CREB5: variants seen among roughly 807,000 people sequenced by gnomAD.
CREB5 encodes the protein cAMP responsive element binding protein 5.
In CREB5, 19 loss-of-function variants were observed where a neutral mutation model predicts 57.1. The ratio of observed to expected loss-of-function variants is 0.33; its 90% CI spans 0.23 to 0.49. The LOEUF (loss-of-function observed/expected upper bound fraction) is 0.49. Among genes scored for constraint, CREB5 ranks in the 20% least tolerant of loss-of-function variants. CREB5 has a pLI of 0.99. For synonymous variants in CREB5, 238 were observed against 238.3 expected, an observed-to-expected ratio of 1.00 and a Z score of 0.01; for missense variants, 579 against 671.6, an observed-to-expected ratio of 0.86 and a Z score of 1.52.
Position 28,806,737 on chromosome 7 carries a change from C to T in CREB5, c.1026+2215C>T, listed in dbSNP as rs913022577. ...CTGAACCTAATTACACCTGAAACCA[C>T]GTCACTTATGCCTTTGGGTGAAGGC... is the stretch of plus-strand genomic sequence containing the variant. On this transcript the variant is annotated intron_variant, in intron 8 of 10. Transcript: ENST00000357727. Among the ~76,000 whole-genome samples the T allele has an allele frequency of 3.3e-5, 5 of 152,140 alleles. No individual in the cohort carries two copies. The East Asian group carries it at 5.8e-4, about 18-fold the overall frequency.
chr7:28,442,073 C>G (rs1789211548), intron 1 of CREB5, among the ~76,000 whole-genome samples: 1 of 152,146 alleles, frequency 6.6e-6, no homozygotes, highest in East Asian at 1.9e-4. Context: ...ACCCACCTCT[C>G]CCACTGTCCT....
Position 28,575,762 on chromosome 7 carries a change from G to A in CREB5, c.464+5225G>A, listed in dbSNP as rs530488955. Among the ~76,000 whole-genome samples the A allele has an allele frequency of 7.2e-5, 11 of 152,230 alleles. No individual in the cohort carries two copies. In the South Asian group the frequency reaches 2.1e-3, roughly 29 times the overall value. ...AAGTTGCTGTATCTTTCACAGCCCC[G>A]AGAACATTTACGAGGGCCCTTCTGG... is the stretch of plus-strand genomic sequence containing the variant. On this transcript the variant is annotated intron_variant, in intron 5 of 10. Coordinates refer to ENST00000357727, the MANE Select transcript of CREB5 (RefSeq NM_182898.4).
intron 4 of CREB5, among the ~76,000 whole-genome samples, chr7:28,517,713 T>C (rs1325529314): frequency 6.6e-6 from 1 of 152,172 alleles, no homozygotes; most frequent in African/African-American, 2.4e-5. Context: ...CAGTGGAATA[T>C]CTGTCGCAGG....
intron 7 of CREB5, among the ~76,000 whole-genome samples, chr7:28,731,655 T>C (rs1803641898): frequency 6.6e-6 from 1 of 152,204 alleles, no homozygotes; most frequent in South Asian, 2.1e-4. Context: ...GTATATACTA[T>C]CAAGTTTGAT....
intron 1 of CREB5, among the ~76,000 whole-genome samples, chr7:28,323,499 C>T (rs1253381843): frequency 6.6e-6 from 1 of 152,110 alleles, no homozygotes; most frequent in Non-Finnish European, 1.5e-5. Context: ...TCCTTTCCTT[C>T]TTGTGTCATA....
intron 1 of CREB5, among the ~76,000 whole-genome samples, chr7:28,370,134 G>A (rs530028013): frequency 1.9e-4 from 29 of 152,270 alleles, no homozygotes; most frequent in African/African-American, 6.5e-4. Context: ...AGAAAGAATG[G>A]GAAGGGTAAG....
At chr7:28,748,596 A>G (rs993669681) in intron 7 of CREB5, among the ~76,000 whole-genome samples, 2 of 152,212 alleles carry the variant, frequency 1.3e-5, no homozygotes, top group Non-Finnish European at 2.9e-5. Context: ...TTGTGGAGGT[A>G]CCTTCATCCT....
intron 5 of CREB5, among the ~76,000 whole-genome samples, chr7:28,624,788 G>C (rs1016340127): frequency 5.3e-5 from 8 of 151,996 alleles, no homozygotes; most frequent in Non-Finnish European, 1.2e-4. Flanking sequence ...AAAAGGAAAG[G>C]CTGGCCCAGA....
intron 1 of CREB5, among the ~76,000 whole-genome samples, chr7:28,326,600 C>T (rs927296977): frequency 2.0e-5 from 3 of 152,218 alleles, no homozygotes; most frequent in Non-Finnish European, 4.4e-5. Flanking sequence ...ATGCTGAATG[C>T]TGCATAGACA....
chr7:28,517,111 C>T lies in CREB5; in HGVS notation c.291+9374C>T, dbSNP rs535459315. On this transcript the variant is annotated intron_variant, in intron 4 of 10. Coordinates refer to ENST00000357727, the MANE Select transcript of CREB5 (RefSeq NM_182898.4). Reference sequence around the variant, plus strand: ...CGTTCTAGGCAGAAAACAGCATTCACATTTGGAAAACTGGACCAAATGATA... The same window carrying T: ...CGTTCTAGGCAGAAAACAGCATTCATATTTGGAAAACTGGACCAAATGATA... 7.7e-4 allele frequency among the ~76,000 whole-genome samples: 117 copies of T among 152,308 alleles called. 1 individual carries two copies. The highest frequency in any genetic ancestry group is 1.3e-3 in the Non-Finnish European group (87 of 68,020).
At chr7:28,635,147 A>G (rs1186582201) in intron 5 of CREB5, among the ~76,000 whole-genome samples, 1 of 152,160 alleles carries the variant, frequency 6.6e-6, no homozygotes, top group Non-Finnish European at 1.5e-5. Context: ...CAAAGGCTTC[A>G]CCTTTCAGCT....
At chr7:28,679,989 C>T (rs144520261) in intron 5 of CREB5, among the ~76,000 whole-genome samples, 1 of 151,998 alleles carries the variant, frequency 6.6e-6, no homozygotes, top group East Asian at 1.9e-4. Context: ...TTTCTACTAA[C>T]CCTACCCATG....
upstream of CREB5, among the ~76,000 whole-genome samples, chr7:28,408,594 G>T (rs1351863777): frequency 6.6e-6 from 1 of 152,134 alleles, no homozygotes; most frequent in Admixed American, 6.5e-5. Flanking sequence ...CTCTGACGCC[G>T]TGTCTAAATC....
chr7:28,596,615 G>A (rs1796699797), intron 5 of CREB5, among the ~76,000 whole-genome samples: 2 of 152,176 alleles, frequency 1.3e-5, no homozygotes, highest in African/African-American at 4.8e-5. Context: ...TTAAAAGCGT[G>A]AACCTGTAGC....
chr7:28,815,035 C>T (rs1809343974), intron 9 of CREB5, among the ~76,000 whole-genome samples: 1 of 152,228 alleles, frequency 6.6e-6, no homozygotes, highest in Admixed American at 6.5e-5. Flanking sequence ...CTTGGGGAGG[C>T]TGAGGCTGGA....
At chr7:28,560,831 C>CGTGCGTGCGCGCGT (rs1562797049) in intron 4 of CREB5, among the ~76,000 whole-genome samples, 7 of 58,942 alleles carry the variant, frequency 1.2e-4, no homozygotes, top group East Asian at 1.1e-3. Context: ...TGCGCGCGCG[C>CGTGCGTGCGCGCGT]GCGTGTGTGT....
intron 1 of CREB5, among the ~76,000 whole-genome samples, chr7:28,484,010 G>T (rs1791454216): frequency 6.6e-6 from 1 of 152,130 alleles, no homozygotes; most frequent in African/African-American, 2.4e-5. Context: ...GATGATTCAG[G>T]ATCATTATCC....
intron 1 of CREB5, among the ~76,000 whole-genome samples, chr7:28,450,213 A>G (rs1381452351): frequency 1.3e-5 from 2 of 152,326 alleles, no homozygotes; most frequent in East Asian, 3.9e-4. Context: ...TGTGACTGAT[A>G]ATAATGATTC....
chr7:28,390,447 CA>C (rs1787194436), intron 1 of CREB5, among the ~76,000 whole-genome samples: 1 of 152,180 alleles, frequency 6.6e-6, no homozygotes. Context: ...TGTTACTGAT[CA>C]CTTGCCAAAC....
Sources: gnomAD v4.1 joint callset for allele counts (sites outside exome capture counted in the v4.1 genomes callset) on GRCh38, gnomAD v4.1.1 for gene constraint, MANE v1.5 for transcripts, NCBI Gene and HGNC (gene_info 2026-07-23, HGNC 2026-07-21) for gene names.